The following AKT3 variants were observed in gnomAD, a reference collection of about 807,000 sequenced individuals.
AKT3 encodes the protein AKT serine/threonine kinase 3.
In AKT3, 15 loss-of-function variants were observed where a neutral mutation model predicts 65.3. That is an observed-to-expected ratio of 0.23 (90% CI 0.15 to 0.35). The LOEUF (loss-of-function observed/expected upper bound fraction) is 0.35. Ranked by LOEUF, AKT3 falls within the 10% of genes least tolerant of loss-of-function variation. The pLI, the probability that AKT3 is intolerant of heterozygous loss-of-function variation, is 1.00. For synonymous variants in AKT3, 206 were observed against 183.8 expected (o/e 1.12, Z -0.98); for missense variants, 243 against 576.5 (o/e 0.42, Z 5.92).
chr1:243,515,548 TTGAA>T (rs1670296822), intron 12 of AKT3, among the ~76,000 whole-genome samples: 1 of 152,228 alleles, frequency 6.6e-6, no homozygotes, highest in Non-Finnish European at 1.5e-5. Flanking sequence ...GTGATTGGTT[TTGAA>T]TGTTAAATCA....
chr1:243,743,411 T>C (rs1466222670), intron 2 of AKT3, among the ~76,000 whole-genome samples: 4 of 152,220 alleles, frequency 2.6e-5, no homozygotes, highest in Admixed American at 6.5e-5. Context: ...TTTTCAAAAA[T>C]ACTATGAATA....
chr1:243,612,919 G>A (rs1399789323), intron 8 of AKT3: 2 of 150,732 alleles, frequency 1.3e-5, no homozygotes, highest in Non-Finnish European at 3.0e-5. Flanking sequence ...CGCGCCTGTA[G>A]TCTCAACTAC....
intron 6 of AKT3, among the ~76,000 whole-genome samples, chr1:243,617,690 G>C (rs1170699668): frequency 1.3e-5 from 2 of 152,082 alleles, no homozygotes; most frequent in Non-Finnish European, 2.9e-5. Flanking sequence ...GGGACATAGA[G>C]AAAGTGATGG....
chr1:243,516,621 T>C (rs1670372345), intron 12 of AKT3, among the ~76,000 whole-genome samples: 1 of 152,190 alleles, frequency 6.6e-6, no homozygotes, highest in African/African-American at 2.4e-5. Flanking sequence ...GATGTGATCA[T>C]AGTTCACTGA....
At chr1:243,801,640 TACTTAGAAATAAAGAAACA>T (rs1692388341) in intron 2 of AKT3, among the ~76,000 whole-genome samples, 1 of 152,178 alleles carries the variant, frequency 6.6e-6, no homozygotes, top group Admixed American at 6.5e-5. Flanking sequence ...CAAGAAGAGC[TACTTAGAAATAAAGAAACA>T]AATTCAGATC....
At chr1:243,531,411 G>T (rs768915638) in intron 12 of AKT3, among the ~76,000 whole-genome samples, 2 of 152,106 alleles carry the variant, frequency 1.3e-5, no homozygotes, top group Non-Finnish European at 2.9e-5. Context: ...TGTGAGAATG[G>T]CAATCACCTA....
At chr1:243,750,341 T>C (rs1052643238) in intron 2 of AKT3, among the ~76,000 whole-genome samples, 3 of 151,940 alleles carry the variant, frequency 2.0e-5, no homozygotes, top group East Asian at 1.9e-4. Context: ...TTCTCTATTA[T>C]GTTAACTTGC....
chr1:243,735,676 T>C (rs747470415), intron 2 of AKT3: 1 of 152,188 alleles, frequency 6.6e-6, no homozygotes, highest in Non-Finnish European at 1.5e-5. Flanking sequence ...TCATAGTTGA[T>C]ATGAGTTGTC....
At chr1:243,761,130 G>C (rs1420964414) in intron 2 of AKT3, among the ~76,000 whole-genome samples, 1 of 152,150 alleles carries the variant, frequency 6.6e-6, no homozygotes, top group East Asian at 1.9e-4. Flanking sequence ...CAAGACACCA[G>C]AGCAGGGACT....
At chr1:243,705,556 A>G (rs927477058) in intron 2 of AKT3, among the ~76,000 whole-genome samples, 9 of 152,196 alleles carry the variant, frequency 5.9e-5, no homozygotes, top group African/African-American at 1.9e-4. Context: ...CTTAAACACA[A>G]TAACATCTTA....
chr1:243,844,696 CA>C (rs1297934484), intron 1 of AKT3, among the ~76,000 whole-genome samples: 3 of 152,098 alleles, frequency 2.0e-5, no homozygotes, highest in Non-Finnish European at 2.9e-5. Context: ...CCACGCTGCA[CA>C]AATTTTTTTA....
chr1:243,568,095 A>C (rs1044227618), intron 9 of AKT3, among the ~76,000 whole-genome samples: 2 of 152,228 alleles, frequency 1.3e-5, no homozygotes, highest in Non-Finnish European at 2.9e-5. Flanking sequence ...AAGGAGGAAG[A>C]AAAATATTTA....
chr1:243,816,798 T>C (rs2148412508), intron 2 of AKT3, among the ~76,000 whole-genome samples: 1 of 152,212 alleles, frequency 6.6e-6, no homozygotes, highest in East Asian at 1.9e-4. Context: ...AAAGGGCAGA[T>C]AAGGAGGATA....
At chr1:243,639,857 G>T (rs943421434) in intron 5 of AKT3, among the ~76,000 whole-genome samples, 3 of 152,042 alleles carry the variant, frequency 2.0e-5, no homozygotes, top group African/African-American at 7.2e-5. Flanking sequence ...TCTGTTGTTT[G>T]CTCTTGAATT....
At chr1:243,849,834 G>A (rs879660021) in intron 1 of AKT3, among the ~76,000 whole-genome samples, 270 of 151,546 alleles carry the variant, frequency 1.8e-3, no homozygotes, top group Non-Finnish European at 2.8e-3. Context: ...GGCATCCCCC[G>A]GCCTCCACAC....
At chr1:243,728,412 T>A (rs1270841267) in intron 2 of AKT3, among the ~76,000 whole-genome samples, 1 of 152,198 alleles carries the variant, frequency 6.6e-6, no homozygotes, top group African/African-American at 2.4e-5. Flanking sequence ...CTATAGGTTG[T>A]GAGGGAGACA....
At chr1:243,488,622 C>A (rs900915851) in intron 13 of AKT3, among the ~76,000 whole-genome samples, 1 of 152,152 alleles carries the variant, frequency 6.6e-6, no homozygotes, top group Non-Finnish European at 1.5e-5. Flanking sequence ...TTTCCACGGC[C>A]CTCACCCACT....
In AKT3 at chr1:243,529,526, C is replaced by T. The variant is rs1028263120; in HGVS notation, c.1251+15984G>A. ...TCTCTGCATATGGCTAGCCAGTTAT[C>T]GCAATATCATTTATTGAAGAGGGAG... On this transcript the variant is annotated intron_variant, in intron 12 of 13. Coordinates refer to ENST00000673466, the MANE Select transcript of AKT3 (RefSeq NM_005465.7). 9.2e-5 allele frequency among the ~76,000 whole-genome samples: 14 copies of T among 152,204 alleles called. No individual in the cohort carries two copies. The East Asian group carries it at 2.7e-3, about 29-fold the overall frequency.
intron 2 of AKT3, among the ~76,000 whole-genome samples, chr1:243,819,320 C>T (rs1050161854): frequency 6.6e-6 from 1 of 152,174 alleles, no homozygotes; most frequent in Admixed American, 6.5e-5. Context: ...GCCAGGGAGA[C>T]TGGACGGTTT....
Sources: gnomAD v4.1 joint callset for allele counts (sites outside exome capture counted in the v4.1 genomes callset) on GRCh38, gnomAD v4.1.1 for gene constraint, MANE v1.5 for transcripts, NCBI Gene and HGNC (gene_info 2026-07-23, HGNC 2026-07-21) for gene names.